PASD1: variants seen among roughly 807,000 people sequenced by gnomAD.
PASD1 encodes the protein PAS domain containing repressor 1, also known as circadian clock protein PASD1.
PASD1 carries 13 observed loss-of-function variants against 58.8 expected under a neutral mutation model. That is an observed-to-expected ratio of 0.22 (90% CI 0.14 to 0.35). The LOEUF is 0.35. Ranked by LOEUF, PASD1 falls within the 10% of genes least tolerant of loss-of-function variation. The probability of loss-of-function intolerance (pLI) is 1.00; values close to 1 mark genes in which losing one functional copy is unlikely to be tolerated. For synonymous variants in PASD1, 236 were observed against 216.7 expected (o/e 1.09, Z -0.78); for missense variants, 734 against 568.3 (o/e 1.29, Z -2.96).
chrX:151,669,410 A>G (rs1379678733), intron 11 of PASD1, among the ~76,000 whole-genome samples: 1 of 110,642 alleles, frequency 9.0e-6, no homozygotes. Flanking sequence ...TGTTGGGAGC[A>G]TTACAATTCT....
chrX:151,646,097 A>G (rs1203101659), intron 8 of PASD1, among the ~76,000 whole-genome samples: 2 of 109,949 alleles, frequency 1.8e-5, no homozygotes, highest in Admixed American at 2.0e-4. Flanking sequence ...TTTTCTAGAG[A>G]TGGGATCTCA....
chrX:151,671,016 C>A (rs773929393), intron 11 of PASD1, 22 bp from the exon 12 acceptor site: 1 of 1,200,940 alleles, frequency 8.3e-7, no homozygotes, highest in African/African-American at 1.8e-5. Flanking sequence ...ATACATGAAC[C>A]ATAAGTAATT....
At chrX:151,593,241 A>G (rs192562587) in intron 1 of PASD1, among the ~76,000 whole-genome samples, 7,639 of 109,727 alleles carry the variant, frequency 0.07, 270 homozygotes, top group African/African-American at 0.13. Context: ...TTTTTATTTT[A>G]TTTTTTAAAA....
At chrX:151,615,452 A>C (rs1015809963) in intron 4 of PASD1, among the ~76,000 whole-genome samples, 1 of 111,775 alleles carries the variant, frequency 8.9e-6, no homozygotes, top group Non-Finnish European at 1.9e-5. Context: ...ATAAACATTA[A>C]ATGGGAATTA....
intron 9 of PASD1, among the ~76,000 whole-genome samples, chrX:151,655,663 T>C (rs186694652): frequency 3.6e-5 from 4 of 112,477 alleles, no homozygotes; most frequent in African/African-American, 9.7e-5. Context: ...TTTTGAGAAG[T>C]GTCTGTTCAT....
intron 1 of PASD1, among the ~76,000 whole-genome samples, chrX:151,566,826 G>A (rs1343085450): frequency 9.1e-6 from 1 of 110,112 alleles, no homozygotes; most frequent in African/African-American, 3.3e-5. Flanking sequence ...CAGCACTTTG[G>A]GAGGCTGAGG....
Position 151,659,628 on chromosome X carries a change from A to C in PASD1, c.718-85A>C, listed in dbSNP as rs1309208988. Reference sequence around the variant, plus strand: ...TGTTAGAAATTGTGATGTGAAATGCATCAAAGTTTGTATTCTGCCTGTGTT... The same window carrying C: ...TGTTAGAAATTGTGATGTGAAATGCCTCAAAGTTTGTATTCTGCCTGTGTT... On this transcript the variant is annotated intron_variant, in intron 9 of 15. Transcript: ENST00000370357. 1.9e-5 allele frequency: 18 copies of C among 964,552 alleles called. No individual in the cohort carries two copies. In the East Asian group the frequency reaches 5.8e-4, roughly 31 times the overall value. 79.5% of individuals were successfully genotyped at this position (964,552 alleles called of 1,213,427 possible).
chrX:151,614,048 G>A (rs1225879427), intron 4 of PASD1, among the ~76,000 whole-genome samples: 11 of 109,002 alleles, frequency 1.0e-4, no homozygotes, highest in Admixed American at 4.9e-4. Context: ...GCAATGGTGC[G>A]ATCTCGGCTC....
At position 151,672,389 on chromosome X, in the gene PASD1, G is replaced by A; in HGVS notation, c.1644G>A (p.Lys548=). The change falls in exon 14 of 16, where the codon AAG becomes AAA. Residue 548 remains lysine, a synonymous_variant. Coordinates refer to ENST00000370357, the MANE Select transcript of PASD1 (RefSeq NM_173493.3). ...QKKKKLQERK[K]WQGQMLQKEP... ...AGAAGAAGCTACAGGAGCGGAAGAAGTGGCAGGGGCAGATGCTACAGAAAG... is the reference window on the plus strand; with the variant it reads ...AGAAGAAGCTACAGGAGCGGAAGAAATGGCAGGGGCAGATGCTACAGAAAG... 8.3e-7 allele frequency: 1 copy of A among 1,207,699 alleles called. No homozygotes were observed. Among genetic ancestry groups the A allele is most frequent in the Non-Finnish European group, 1.1e-6 (1 of 893,350 alleles).
At chrX:151,641,129 T>C (rs1034982634) in intron 8 of PASD1, 1 of 111,423 alleles carries the variant, frequency 9.0e-6, no homozygotes, top group African/African-American at 3.3e-5. Flanking sequence ...TACTTGTTTT[T>C]TTTTAATTCT....
intron 9 of PASD1, among the ~76,000 whole-genome samples, chrX:151,650,828 A>G (rs1395812900): frequency 8.9e-6 from 1 of 111,801 alleles, no homozygotes; most frequent in African/African-American, 3.3e-5. Flanking sequence ...TCTAGGCCAC[A>G]TTGCAGAGAG....
chrX:151,596,276 G>A (rs1477307687), intron 1 of PASD1, among the ~76,000 whole-genome samples: 1 of 112,074 alleles, frequency 8.9e-6, no homozygotes, highest in African/African-American at 3.2e-5. Context: ...ATCACAACAT[G>A]GCAGAGAAAG....
At chrX:151,673,751 A>C (rs1250387565) in intron 14 of PASD1, 177 bp from the exon 15 acceptor site, 1 of 507,903 alleles carries the variant, frequency 2.0e-6, no homozygotes, top group Non-Finnish European at 3.3e-6. Flanking sequence ...GTCTACATTC[A>C]CATTACTTTG....
chrX:151,650,548 TA>T (rs1285341585), intron 9 of PASD1, among the ~76,000 whole-genome samples: 1 of 111,610 alleles, frequency 9.0e-6, no homozygotes, highest in Non-Finnish European at 1.9e-5. Flanking sequence ...CACTTATCAC[TA>T]AGTTCCATTT....
chrX:151,676,249 G>C lies in PASD1; in HGVS notation c.*106G>C. On this transcript the variant is annotated 3_prime_UTR_variant, in exon 16 of 16. Transcript: ENST00000370357. Reference sequence around the variant, plus strand: ...AGGTGCGTAAAGTCCCTTGGGGTAGGGTTTAGTGGGTAGAGACTTATTTGT... The same window carrying C: ...AGGTGCGTAAAGTCCCTTGGGGTAGCGTTTAGTGGGTAGAGACTTATTTGT... The C allele has an allele frequency of 1.2e-6, 1 of 804,484 alleles. No individual in the cohort carries two copies. Among genetic ancestry groups the C allele is most frequent in the Non-Finnish European group, 1.7e-6 (1 of 573,781 alleles). The allele number at this position is 804,484 out of a possible 1,213,427, so 66.3% of individuals were successfully genotyped here.
chrX:151,636,762 A>AT (rs771000309), intron 8 of PASD1, among the ~76,000 whole-genome samples: 76 of 109,189 alleles, frequency 7.0e-4, no homozygotes, highest in Non-Finnish European at 1.1e-3. Context: ...TGTGCAGTAA[A>AT]TTTTTTTTTT....
chrX:151,641,843 C>T (rs775731580), intron 8 of PASD1, among the ~76,000 whole-genome samples: 126 of 110,579 alleles, frequency 1.1e-3, no homozygotes, highest in East Asian at 6.0e-3. Context: ...CACACACACG[C>T]GCGCGCGCGT....
chrX:151,588,258 G>A (rs952896350), intron 1 of PASD1, among the ~76,000 whole-genome samples: 8 of 112,049 alleles, frequency 7.1e-5, no homozygotes, highest in East Asian at 5.6e-4. Context: ...CTGATAGTGC[G>A]CAGCAATTTT....
chrX:151,607,915 G>A (rs2013507985), intron 3 of PASD1, among the ~76,000 whole-genome samples: 1 of 111,865 alleles, frequency 8.9e-6, no homozygotes, highest in Non-Finnish European at 1.9e-5. Flanking sequence ...GTGGGATGGG[G>A]TATGAATCTT....
Sources: gnomAD v4.1 joint callset for allele counts (sites outside exome capture counted in the v4.1 genomes callset) on GRCh38, gnomAD v4.1.1 for gene constraint, MANE v1.5 for transcripts, NCBI Gene and HGNC (gene_info 2026-07-23, HGNC 2026-07-21) for gene names.